Variants in CSMD2 observed in about 807,000 individuals in gnomAD.
The protein encoded by CSMD2 is CUB and sushi domain-containing protein 2.
In CSMD2, 130 loss-of-function variants were observed where a neutral mutation model predicts 398.5. The observed-to-expected ratio is 0.33, with a 90% CI of 0.28 to 0.38. CSMD2 has a LOEUF of 0.38. Ranked by LOEUF, CSMD2 falls within the 10% of genes least tolerant of loss-of-function variation. The pLI, the probability that CSMD2 is intolerant of heterozygous loss-of-function variation, is 1.00. For synonymous variants in CSMD2, 1,828 were observed against 1,908.5 expected, an observed-to-expected ratio of 0.96 and a Z score of 1.10; for missense variants, 3,829 against 4,764.9, an observed-to-expected ratio of 0.80 and a Z score of 5.78.
intron 3 of CSMD2, among the ~76,000 whole-genome samples, chr1:34,028,476 G>A (rs1649977078): frequency 6.6e-6 from 1 of 152,068 alleles, no homozygotes; most frequent in African/African-American, 2.4e-5. Flanking sequence ...CACATCTCTT[G>A]TTGCCTCCAT....
chr1:33,538,220 G>A (rs929771587), intron 60 of CSMD2, among the ~76,000 whole-genome samples: 1 of 151,696 alleles, frequency 6.6e-6, no homozygotes, highest in African/African-American at 2.4e-5. Context: ...TACTTTCTTA[G>A]GAGAATTCTC....
chr1:33,583,903 C>G, intron 46 of CSMD2, 73 bp from the exon 47 acceptor site: 1 of 1,331,356 alleles, frequency 7.5e-7, no homozygotes, highest in African/African-American at 1.5e-5. Flanking sequence ...TTTGCTTTTC[C>G]CAATACTAAA....
chr1:33,672,698 T>A (rs7514953), intron 25 of CSMD2, among the ~76,000 whole-genome samples: 16,766 of 152,230 alleles, frequency 0.11, 1,027 homozygotes, highest in South Asian at 0.21. Flanking sequence ...GTAGCCTAAC[T>A]GGGAGGCAAC....
intron 2 of CSMD2, among the ~76,000 whole-genome samples, chr1:34,087,365 A>G (rs976719992): frequency 6.6e-5 from 10 of 151,734 alleles, no homozygotes; most frequent in Non-Finnish European, 1.5e-4. Flanking sequence ...GCAAACTAAC[A>G]CAGGAACAGA....
intron 56 of CSMD2, among the ~76,000 whole-genome samples, chr1:33,548,766 T>C (rs1657150055): frequency 6.6e-6 from 1 of 152,238 alleles, no homozygotes; most frequent in South Asian, 2.1e-4. Context: ...TTGAATTCCT[T>C]CTAATTCTGT....
Position 33,819,734 on chromosome 1 carries a change from C to A in CSMD2, c.1303G>T (p.Asp435Tyr). ...TCACCTCGGCAGACTGGCCTGTGGT[C>A]GCTCCAGGCCGCAAACATGTCGCTC... ...KVSDMFAAWS[D>Y]HRPVCRARMC... Residue 435 changes from aspartate (D) to tyrosine (Y), a missense_variant, in exon 9 of 71, where the codon GAC becomes TAC. Physicochemically the swap from Asp to Tyr is radical, Grantham distance 160. Coordinates refer to ENST00000373381, the MANE Select transcript of CSMD2 (RefSeq NM_001281956.2). 1.2e-6 allele frequency: 2 copies of A among 1,613,572 alleles called. No individual in the cohort carries two copies. Among genetic ancestry groups the A allele is most frequent in the Non-Finnish European group, 1.7e-6 (2 of 1,179,950 alleles).
At chr1:33,960,693 C>A (rs1013450252) in intron 3 of CSMD2, among the ~76,000 whole-genome samples, 4 of 152,216 alleles carry the variant, frequency 2.6e-5, no homozygotes, top group Non-Finnish European at 5.9e-5. Context: ...CATTTGCCAA[C>A]CTTTCTGAGC....
chr1:34,141,139 G>A (rs1234226358), intron 1 of CSMD2, among the ~76,000 whole-genome samples: 2 of 151,962 alleles, frequency 1.3e-5, no homozygotes, highest in African/African-American at 2.4e-5. Context: ...TCACCCAACA[G>A]TGAACCTACC....
rs1422728817 is a variant in CSMD2 at position 33,554,648 on chromosome 1, C to CCTTAAGGGCCCT, written c.8743+3085_8743+3086insAGGGCCCTTAAG. 1.1e-4 allele frequency among the ~76,000 whole-genome samples: 16 copies of CCTTAAGGGCCCT among 152,222 alleles called. No individual in the cohort carries two copies. In the East Asian group the frequency reaches 3.1e-3, roughly 29 times the overall value. On this transcript the variant is annotated intron_variant, in intron 55 of 70. Transcript: ENST00000373381. Reference sequence around the variant, plus strand: ...TGCTCATTTACCCATTCTGAAAATCCTAGGGCCCTTAAGAATTATTCCAAA... The same window carrying CCTTAAGGGCCCT: ...TGCTCATTTACCCATTCTGAAAATCCCTTAAGGGCCCTTAGGGCCCTTAAGAATTATTCCAAA...
chr1:33,610,217 A>G (rs1489924667), intron 41 of CSMD2, among the ~76,000 whole-genome samples: 1 of 147,694 alleles, frequency 6.8e-6, no homozygotes, highest in African/African-American at 2.6e-5. Context: ...AATTATCTAC[A>G]GTGTTTAGAT....
rs1199768320 is a variant in CSMD2, at chr1:33,519,874, C to T, written c.10674G>A (p.Ala3558=). ...TGAGGGCGATGAAAGGCACCAGGAT[C>T]GCGGCTGCCACTGAGCTGCTGTTGG... ...FASNSSSVAA[A]ILVPFIALII... is the part of the protein sequence containing the mutation. Residue 3558 remains alanine, a synonymous_variant, in exon 69 of 71, where the codon GCG becomes GCA. Coordinates refer to ENST00000373381, the MANE Select transcript of CSMD2 (RefSeq NM_001281956.2). This position sits in a 1 kb window ranked among gnomAD's most constrained non-coding sequence, Gnocchi z 5.6. 13 of 1,614,084 alleles carry T rather than the reference C, an allele frequency of 8.1e-6. No individual in the cohort carries two copies. Among genetic ancestry groups the T allele is most frequent in the South Asian group, 5.5e-5 (5 of 91,082 alleles).
chr1:33,926,243 A>C (rs775855587), intron 4 of CSMD2, among the ~76,000 whole-genome samples: 4 of 152,172 alleles, frequency 2.6e-5, no homozygotes, highest in Non-Finnish European at 4.4e-5. Flanking sequence ...AAGCTCAGAG[A>C]GGTTAAGTAA....
intron 3 of CSMD2, among the ~76,000 whole-genome samples, chr1:34,013,210 T>C (rs1326108978): frequency 7.0e-6 from 1 of 143,798 alleles, no homozygotes; most frequent in Non-Finnish European, 1.5e-5. Context: ...CATCGTGCCA[T>C]TATGGAGTTT....
At chr1:33,520,769 C>T (rs551082991) in intron 68 of CSMD2, among the ~76,000 whole-genome samples, 1 of 152,152 alleles carries the variant, frequency 6.6e-6, no homozygotes, top group Non-Finnish European at 1.5e-5. Flanking sequence ...GCAAGGGCCC[C>T]GGCGATGGGA....
chr1:33,537,008 G>A lies in CSMD2; in HGVS notation c.9879+14C>T. On this transcript the variant is annotated intron_variant, in intron 62 of 70. Transcript: ENST00000373381. The surrounding 1 kb of genome is among the most constrained non-coding windows in gnomAD (Gnocchi z 4.6). ...TAGGATGTAGGAAGACCCTATCTTG[G>A]CTGACCTCCTTACCTGGTAGCCCTG... 5 of 1,613,446 alleles carry A rather than the reference G, an allele frequency of 3.1e-6. No individual in the cohort carries two copies. Among genetic ancestry groups the A allele is most frequent in the Non-Finnish European group, 4.2e-6 (5 of 1,179,430 alleles).
chr1:33,721,655 G>A (rs1037117841), intron 19 of CSMD2, among the ~76,000 whole-genome samples: 1 of 152,132 alleles, frequency 6.6e-6, no homozygotes, highest in African/African-American at 2.4e-5. Context: ...GGACAATCCT[G>A]GGCCTCACCC....
chr1:33,516,489 T>C lies in CSMD2; in HGVS notation c.*135A>G, dbSNP rs1201759046. 6.6e-6 allele frequency: 1 copy of C among 152,330 alleles called. No homozygotes were observed. Among genetic ancestry groups the C allele is most frequent in the Non-Finnish European group, 1.5e-5 (1 of 68,170 alleles). The allele number at this position is 152,330 out of a possible 1,614,324, so 9.4% of individuals were successfully genotyped here. ...AGGGCGAGGGCCTGAGTCCCAGCAG[T>C]AGCAGACACAGGCAAGGAGACGAAC... On this transcript the variant is annotated 3_prime_UTR_variant, in exon 71 of 71. Transcript: ENST00000373381.
At chr1:33,980,556 T>C (rs986916785) in intron 3 of CSMD2, among the ~76,000 whole-genome samples, 7 of 152,122 alleles carry the variant, frequency 4.6e-5, no homozygotes, top group African/African-American at 2.4e-5. Flanking sequence ...ATTAAGACAG[T>C]TGTTTTATTT....
intron 5 of CSMD2, among the ~76,000 whole-genome samples, chr1:33,888,807 G>T (rs138541932): frequency 6.8e-6 from 1 of 147,786 alleles, no homozygotes; most frequent in South Asian, 2.2e-4. Context: ...TCCCTCTGTC[G>T]CCCAGGCTGG....
Sources: allele counts gnomAD v4.1 joint callset (sites outside exome capture counted in the v4.1 genomes callset), GRCh38; gene constraint gnomAD v4.1.1; non-coding constraint Gnocchi (gnomAD v3.1); transcripts MANE v1.5; gene names NCBI Gene and HGNC (gene_info 2026-07-23, HGNC 2026-07-21).